Variants in PATJ observed in about 807,000 individuals in gnomAD.
The protein encoded by PATJ is inaD-like protein.
A neutral mutation model predicts 224.9 loss-of-function variants in PATJ; 190 were observed. That is an observed-to-expected ratio of 0.84 (90% CI 0.75 to 0.95). The LOEUF (loss-of-function observed/expected upper bound fraction) is 0.95. Ranked by LOEUF, PATJ falls within the 40% of genes least tolerant of loss-of-function variation. The pLI, the probability that PATJ is intolerant of heterozygous loss-of-function variation, is 0.00. For synonymous variants in PATJ, 769 were observed against 820.3 expected (o/e 0.94, Z 1.07); for missense variants, 2,121 against 2,270.3 (o/e 0.93, Z 1.34).
chr1:61,792,274 G>A (rs564236339), intron 9 of PATJ, among the ~76,000 whole-genome samples: 98 of 152,138 alleles, frequency 6.4e-4, no homozygotes, highest in African/African-American at 2.1e-3. Flanking sequence ...TAGATTCTAC[G>A]TGCCACCTTT....
At chr1:62,019,456 T>C (rs536267872) in intron 29 of PATJ, among the ~76,000 whole-genome samples, 2 of 151,604 alleles carry the variant, frequency 1.3e-5, no homozygotes, top group East Asian at 1.9e-4. Context: ...GAGGCAGAGG[T>C]TGCAGTGAGC....
intron 27 of PATJ, among the ~76,000 whole-genome samples, chr1:61,942,612 A>G (rs1677987594): frequency 6.6e-6 from 1 of 151,098 alleles, no homozygotes; most frequent in East Asian, 2.0e-4. Context: ...GTACAGGGGC[A>G]CGATCTCAGC....
chr1:61,790,773 C>G (rs1337002218), intron 8 of PATJ, among the ~76,000 whole-genome samples: 1 of 151,826 alleles, frequency 6.6e-6, no homozygotes, highest in Non-Finnish European at 1.5e-5. Context: ...CTCAGCCTCC[C>G]AAAGTGCTGG....
intron 28 of PATJ, among the ~76,000 whole-genome samples, chr1:62,016,221 G>A (rs1245591211): frequency 6.6e-6 from 1 of 152,190 alleles, no homozygotes; most frequent in Admixed American, 6.5e-5. Flanking sequence ...GGTGATGGAA[G>A]GGCCACTTTT....
intron 30 of PATJ, among the ~76,000 whole-genome samples, chr1:62,048,076 T>G (rs941142953): frequency 6.6e-5 from 10 of 152,180 alleles, no homozygotes; most frequent in African/African-American, 2.4e-4. Flanking sequence ...TTTTACTGCC[T>G]GGAGTTGTTT....
intron 17 of PATJ, among the ~76,000 whole-genome samples, chr1:61,850,648 G>C (rs771755880): frequency 2.5e-4 from 38 of 152,342 alleles, no homozygotes; most frequent in Non-Finnish European, 4.6e-4. Context: ...ACTTAAGTTA[G>C]AGAAGCAGCA....
chr1:62,051,017 G>C lies in PATJ; in HGVS notation c.4084G>C (p.Val1362Leu). ...ISSEEDGSVE[V>L]GIKQLPESES... ...TAGTGAGGAAGATGGCAGCGTCGAA[G>C]TTGGTATTAAACAATTGCCTGAAAG... The change falls in exon 31 of 44, where the codon GTT becomes CTT. Residue 1362 changes from valine (V) to leucine (L), a missense_variant. By Grantham distance (32) the Val-to-Leu change is conservative. Transcript: ENST00000642238. 1 of 1,614,018 alleles carries C rather than the reference G, an allele frequency of 6.2e-7. No individual in the cohort carries two copies. Among genetic ancestry groups the C allele is most frequent in the Non-Finnish European group, 8.5e-7 (1 of 1,179,872 alleles).
At chr1:62,153,595 T>C (rs1028922931) in intron 43 of PATJ, 114 bp downstream of exon 43, 5 of 530,750 alleles carry the variant, frequency 9.4e-6, no homozygotes, top group Non-Finnish European at 1.4e-5. Context: ...GCATGTATGC[T>C]CATTTCATTT....
intron 9 of PATJ, 149 bp downstream of exon 9, chr1:61,791,596 T>C (rs1649881307): frequency 2.0e-6 from 1 of 504,094 alleles, no homozygotes; most frequent in East Asian, 3.1e-5. Context: ...TCTCAGTGAT[T>C]ACAGAATCAC....
At chr1:61,770,917 A>G (rs1478678385) in intron 5 of PATJ, among the ~76,000 whole-genome samples, 2 of 152,008 alleles carry the variant, frequency 1.3e-5, no homozygotes, top group East Asian at 1.9e-4. Context: ...GCCTGAAAAA[A>G]AAAAAAAAAA....
intron 8 of PATJ, among the ~76,000 whole-genome samples, chr1:61,789,438 G>A (rs1179790233): frequency 6.6e-6 from 1 of 152,172 alleles, no homozygotes; most frequent in Non-Finnish European, 1.5e-5. Context: ...ATGTCATTCT[G>A]TGTATTCTGG....
intron 17 of PATJ, among the ~76,000 whole-genome samples, chr1:61,844,277 A>C (rs983630780): frequency 1.3e-5 from 2 of 152,242 alleles, no homozygotes; most frequent in Non-Finnish European, 2.9e-5. Flanking sequence ...CCCAGAATTA[A>C]TAAGTTAGTC....
At chr1:62,100,152 T>C (rs1661970882) in intron 33 of PATJ, among the ~76,000 whole-genome samples, 1 of 152,210 alleles carries the variant, frequency 6.6e-6, no homozygotes, top group Non-Finnish European at 1.5e-5. Context: ...AAGTAAATCC[T>C]CTGGAAACTT....
chr1:61,787,498 T>C (rs1648812501), intron 7 of PATJ, among the ~76,000 whole-genome samples: 1 of 152,256 alleles, frequency 6.6e-6, no homozygotes, highest in South Asian at 2.1e-4. Context: ...CCATTAGGCA[T>C]GAGCTTATAC....
At chr1:61,848,480 G>A (rs1270385613) in intron 17 of PATJ, among the ~76,000 whole-genome samples, 2 of 152,166 alleles carry the variant, frequency 1.3e-5, no homozygotes, top group African/African-American at 4.8e-5. Context: ...ATCTGTGTGT[G>A]AGTGTACGTG....
chr1:61,819,608 A>C (rs1656841200), intron 14 of PATJ, among the ~76,000 whole-genome samples: 1 of 142,238 alleles, frequency 7.0e-6, no homozygotes, highest in Admixed American at 6.9e-5. Context: ...GTGGGGCGGC[A>C]GGCGGCGGTG....
intron 31 of PATJ, among the ~76,000 whole-genome samples, chr1:62,065,989 G>A (rs137960868): frequency 4.6e-5 from 7 of 152,158 alleles, no homozygotes; most frequent in African/African-American, 1.7e-4. Flanking sequence ...AATCTAAAAC[G>A]TGTGTTGATT....
intron 30 of PATJ, chr1:62,039,064 C>T: frequency 1.1e-6 from 1 of 883,802 alleles, no homozygotes; most frequent in Non-Finnish European, 1.9e-6. Flanking sequence ...CATTATGATC[C>T]AGAAGCATGA....
At chr1:61,828,692 G>T (rs1658772955) in intron 16 of PATJ, among the ~76,000 whole-genome samples, 1 of 152,090 alleles carries the variant, frequency 6.6e-6, no homozygotes, top group African/African-American at 2.4e-5. Flanking sequence ...GTACCCAGCT[G>T]GAAGAGTTTT....
Sources: allele counts gnomAD v4.1 joint callset (sites outside exome capture counted in the v4.1 genomes callset), GRCh38; gene constraint gnomAD v4.1.1; transcripts MANE v1.5; gene names NCBI Gene and HGNC (gene_info 2026-07-23, HGNC 2026-07-21).